Variants in TTLL1 observed in about 807,000 individuals in gnomAD.
TTLL1 encodes polyglutamylase complex subunit TTLL1.
In TTLL1, 33 loss-of-function variants were observed where a neutral mutation model predicts 47.8. The observed-to-expected ratio is 0.69, with a 90% CI of 0.52 to 0.92. TTLL1 has a LOEUF of 0.92. Ranked by LOEUF, TTLL1 falls within the 40% of genes least tolerant of loss-of-function variation. The pLI is 0.00. For synonymous variants in TTLL1, 225 were observed against 214.1 expected (o/e 1.05, Z -0.45); for missense variants, 488 against 547.5 (o/e 0.89, Z 1.08).
chr22:43,050,521 TTTTG>T (rs762925284), intron 9 of TTLL1, among the ~76,000 whole-genome samples: 81 of 152,016 alleles, frequency 5.3e-4, no homozygotes, highest in Non-Finnish European at 8.5e-4. Flanking sequence ...TTGTTTTTTT[TTTTG>T]TTTGTTTGTT....
chr22:43,062,052 G>A (rs1927418328), intron 7 of TTLL1, among the ~76,000 whole-genome samples: 1 of 152,202 alleles, frequency 6.6e-6, no homozygotes, highest in Non-Finnish European at 1.5e-5. Flanking sequence ...ATCTGTGAGA[G>A]TAGGTACTAA....
chr22:43,050,618 G>T (rs1393056648), intron 9 of TTLL1, among the ~76,000 whole-genome samples: 1 of 151,390 alleles, frequency 6.6e-6, no homozygotes, highest in African/African-American at 2.4e-5. Context: ...AGCCTCCCCA[G>T]TTCAAGCGAT....
chr22:43,050,640 G>A (rs1057216897), intron 9 of TTLL1, among the ~76,000 whole-genome samples: 7 of 151,264 alleles, frequency 4.6e-5, no homozygotes, highest in East Asian at 2.0e-4. Context: ...CTTCTGCCTC[G>A]GCCTCCCCGG....
Position 43,075,455 on chromosome 22 carries a change from C to A in TTLL1, c.113+19G>T. 6.2e-7 allele frequency: 1 copy of A among 1,604,808 alleles called. No homozygotes were observed. Among genetic ancestry groups the A allele is most frequent in the Non-Finnish European group, 8.5e-7 (1 of 1,171,580 alleles). On this transcript the variant is annotated intron_variant, in intron 3 of 10. Coordinates refer to ENST00000266254, the MANE Select transcript of TTLL1 (RefSeq NM_012263.5). ...CGTAAGCCTCAGAGAAACAACCCAGCCCTGCTGTGTATGCTTACCAGTAAA... is the reference window on the plus strand; with the variant it reads ...CGTAAGCCTCAGAGAAACAACCCAGACCTGCTGTGTATGCTTACCAGTAAA...
intron 9 of TTLL1, among the ~76,000 whole-genome samples, chr22:43,046,923 G>A (rs1170464242): frequency 1.3e-5 from 2 of 151,946 alleles, no homozygotes; most frequent in Admixed American, 6.6e-5. Flanking sequence ...CTCCCACCTC[G>A]GCCTCCCAAA....
chr22:43,045,563 G>C (rs556107547), intron 10 of TTLL1, among the ~76,000 whole-genome samples: 1 of 141,286 alleles, frequency 7.1e-6, no homozygotes, highest in Non-Finnish European at 1.5e-5. Context: ...TGCCCGCCTC[G>C]GCCTCCCAAA....
intron 10 of TTLL1, among the ~76,000 whole-genome samples, chr22:43,041,578 G>A (rs529357500): frequency 8.3e-4 from 120 of 144,666 alleles, no homozygotes; most frequent in African/African-American, 2.7e-3. Flanking sequence ...GTAGTGGCCC[G>A]ATCTTGGCTC....
At chr22:43,049,099 T>C (rs1183889008) in intron 9 of TTLL1, among the ~76,000 whole-genome samples, 3 of 149,968 alleles carry the variant, frequency 2.0e-5, no homozygotes, top group Admixed American at 1.3e-4. Context: ...TATATCCATG[T>C]AACAAACCGG....
At chr22:43,052,877 G>A (rs1926737632) in intron 8 of TTLL1, among the ~76,000 whole-genome samples, 1 of 152,044 alleles carries the variant, frequency 6.6e-6, no homozygotes, top group Non-Finnish European at 1.5e-5. Flanking sequence ...TGGCCAACAT[G>A]GTGAAACCCC....
At chr22:43,086,759 CCT>C (rs774864181) in intron 1 of TTLL1, among the ~76,000 whole-genome samples, 1 of 152,126 alleles carries the variant, frequency 6.6e-6, no homozygotes, top group African/African-American at 2.4e-5. Context: ...CATAATGTCC[CCT>C]CTCTCCTGGG....
At chr22:43,088,324 C>CCTT (rs1929375639) in intron 1 of TTLL1, among the ~76,000 whole-genome samples, 8 of 56,468 alleles carry the variant, frequency 1.4e-4, no homozygotes, top group African/African-American at 5.1e-4. Context: ...AAGGGCCCAT[C>CCTT]TTTTTTTTTT....
At position 43,075,129 on chromosome 22, in the gene TTLL1, C is replaced by T. The variant is rs552468739; in HGVS notation, c.113+345G>A. Among the ~76,000 whole-genome samples, 40 of 152,242 alleles carry T rather than the reference C, an allele frequency of 2.6e-4. No individual in the cohort carries two copies. In the South Asian group the frequency reaches 8.3e-3, roughly 32 times the overall value. On this transcript the variant is annotated intron_variant, in intron 3 of 10. Transcript: ENST00000266254. ...GCAATGAGCTGAGATCGCACCATTG[C>T]ACTCCAGCCTGGGTGACAGAGCAAG...
At chr22:43,087,459 G>A (rs1247907645) in intron 1 of TTLL1, among the ~76,000 whole-genome samples, 2 of 151,786 alleles carry the variant, frequency 1.3e-5, no homozygotes, top group African/African-American at 2.4e-5. Context: ...GGGAGGTGGA[G>A]GTTGCAGTGA....
At chr22:43,073,214 C>T (rs1260373605) in intron 3 of TTLL1, among the ~76,000 whole-genome samples, 1 of 151,894 alleles carries the variant, frequency 6.6e-6, no homozygotes, top group Non-Finnish European at 1.5e-5. Context: ...CAGGGTTTCA[C>T]CATGTTGGCC....
At chr22:43,045,558 G>A (rs948286296) in intron 10 of TTLL1, among the ~76,000 whole-genome samples, 5 of 132,670 alleles carry the variant, frequency 3.8e-5, no homozygotes, top group South Asian at 2.5e-4. Context: ...TGATCTGCCC[G>A]CCTCGGCCTC....
At chr22:43,072,978 A>C (rs1928225552) in intron 3 of TTLL1, among the ~76,000 whole-genome samples, 1 of 152,012 alleles carries the variant, frequency 6.6e-6, no homozygotes. Flanking sequence ...ATGAACTTAT[A>C]AATTCAAATA....
chr22:43,084,237 G>A (rs1346861623), intron 1 of TTLL1, among the ~76,000 whole-genome samples: 2 of 151,766 alleles, frequency 1.3e-5, no homozygotes, highest in African/African-American at 4.8e-5. Context: ...TGCAACCTCC[G>A]CCTCTCAGGT....
At chr22:43,088,429 C>T (rs907137352) in intron 1 of TTLL1, among the ~76,000 whole-genome samples, 3 of 148,018 alleles carry the variant, frequency 2.0e-5, no homozygotes, top group Non-Finnish European at 4.5e-5. Flanking sequence ...CTCCGCCTCC[C>T]GGGTTCACGC....
At position 43,081,407 on chromosome 22, in the gene TTLL1, T is replaced by G. The variant is rs574376566; in HGVS notation, c.-89-1421A>C. On this transcript the variant is annotated intron_variant, in intron 1 of 10. Transcript: ENST00000266254. ...ACCTGACTCTGCTTTTGACAGTCGC[T>G]CCCATAGAGATGTGTTACGGGTTAA... is the stretch of plus-strand genomic sequence containing the variant. Among the ~76,000 whole-genome samples the G allele has an allele frequency of 4.6e-4, 70 of 152,178 alleles. No individual in the cohort carries two copies. The Middle Eastern group carries it at 0.01, about 22-fold the overall frequency.
Sources: allele counts gnomAD v4.1 joint callset (sites outside exome capture counted in the v4.1 genomes callset), GRCh38; gene constraint gnomAD v4.1.1; transcripts MANE v1.5; gene names NCBI Gene and HGNC (gene_info 2026-07-23, HGNC 2026-07-21).